PCDHA2: variants seen among roughly 807,000 people sequenced by gnomAD.
PCDHA2 encodes protocadherin alpha-2.
Under a neutral mutation model 66.0 loss-of-function variants are expected in PCDHA2, and 58 were observed. The observed-to-expected ratio is 0.88, with a 90% CI of 0.71 to 1.09. The LOEUF is 1.09. PCDHA2 is among the 50% of genes least tolerant of loss of function. The probability of loss-of-function intolerance (pLI) is 0.00; values close to 1 mark genes in which losing one functional copy is unlikely to be tolerated. For synonymous variants in PCDHA2, 634 were observed against 554.0 expected (o/e 1.14, Z -2.03); for missense variants, 1,267 against 1,242.3 (o/e 1.02, Z -0.30).
chr5:140,850,103 C>A lies in PCDHA2; in HGVS notation c.2388+52751C>A, dbSNP rs2150467019. On this transcript the variant is annotated intron_variant, in intron 1 of 3. Transcript: ENST00000526136. Reference sequence around the variant, plus strand: ...TGGAGCTGCTACAGTTCCAGGTGAGCGCGCGCGACGCGGGCGTGCCGCCTC... The same window carrying A: ...TGGAGCTGCTACAGTTCCAGGTGAGAGCGCGCGACGCGGGCGTGCCGCCTC... The A allele has an allele frequency of 1.7e-5, 27 of 1,595,988 alleles. 3 individuals are homozygous for A. The highest frequency in any genetic ancestry group is 2.2e-5 in the East Asian group (1 of 44,852).
rs2150329918 is a variant in PCDHA2, at chr5:140,842,127, C to G, written c.2388+44775C>G. 7.9e-5 allele frequency: 127 copies of G among 1,612,886 alleles called. 5 individuals carry two copies. The South Asian group carries it at 8.9e-4, about 11-fold the overall frequency. ...GTTATCAAACTGAATGCTTCTGATC[C>G]GGATGAAGGAGCCAATGGGGCAATT... On this transcript the variant is annotated intron_variant, in intron 1 of 3. Coordinates refer to ENST00000526136, the MANE Select transcript of PCDHA2 (RefSeq NM_018905.3).
chr5:140,887,788 G>A (rs1384145646), intron 1 of PCDHA2, among the ~76,000 whole-genome samples: 4 of 152,006 alleles, frequency 2.6e-5, no homozygotes, highest in Admixed American at 6.6e-5. Flanking sequence ...TCATTGAAGC[G>A]TTCTTTATTT....
intron 2 of PCDHA2, among the ~76,000 whole-genome samples, chr5:140,980,840 A>G (rs1248070793): frequency 1.3e-5 from 2 of 152,200 alleles, no homozygotes; most frequent in African/African-American, 4.8e-5. Context: ...GAACCTAAAT[A>G]ATACTAATCT....
chr5:140,904,328 C>T (rs1469107868), intron 1 of PCDHA2, among the ~76,000 whole-genome samples: 2 of 151,958 alleles, frequency 1.3e-5, no homozygotes, highest in South Asian at 2.1e-4. Flanking sequence ...ATAATGGTCT[C>T]CAGTTCCATC....
intron 1 of PCDHA2, chr5:140,928,860 G>A: frequency 1.2e-6 from 2 of 1,614,154 alleles, no homozygotes; most frequent in Non-Finnish European, 1.7e-6. Flanking sequence ...GTGTGCTGTT[G>A]AGCAACTCTG....
At chr5:140,865,241 T>C (rs1581737051) in intron 1 of PCDHA2, 1 of 152,220 alleles carries the variant, frequency 6.6e-6, no homozygotes, top group Non-Finnish European at 1.5e-5. Context: ...AACACGTATT[T>C]ATAGCTGTAA....
intron 1 of PCDHA2, chr5:140,805,246 A>G (rs1304831560): frequency 7.6e-7 from 1 of 1,318,510 alleles, no homozygotes; most frequent in South Asian, 2.3e-5. Context: ...CCATCTGTAC[A>G]TTAAAATACC....
chr5:140,802,823 G>C (rs1554122389), intron 1 of PCDHA2: 4 of 1,613,472 alleles, frequency 2.5e-6, no homozygotes, highest in Admixed American at 1.7e-5. Flanking sequence ...ATGCGGGCGT[G>C]CCGCCTCTGG....
At chr5:140,944,413 C>T (rs892243235) in intron 1 of PCDHA2, among the ~76,000 whole-genome samples, 3 of 152,292 alleles carry the variant, frequency 2.0e-5, no homozygotes, top group African/African-American at 7.2e-5. Context: ...TCTCGAACTC[C>T]TGATCTGAAG....
intron 1 of PCDHA2, chr5:140,858,585 T>G: frequency 7.4e-7 from 1 of 1,345,266 alleles, no homozygotes. Flanking sequence ...GTAATATAAT[T>G]TATTCCAGGA....
intron 1 of PCDHA2, chr5:140,869,103 G>T: frequency 6.2e-7 from 1 of 1,600,312 alleles, no homozygotes; most frequent in Non-Finnish European, 8.5e-7. Context: ...TTTCGTATGC[G>T]ATGTTTGGTT....
intron 1 of PCDHA2, chr5:140,884,458 C>A: frequency 6.2e-7 from 1 of 1,613,736 alleles, no homozygotes; most frequent in Non-Finnish European, 8.5e-7. Flanking sequence ...CCACCGAGGG[C>A]GCGTGCGCGC....
chr5:140,841,199 A>G, intron 1 of PCDHA2: 2 of 1,287,918 alleles, frequency 1.6e-6, no homozygotes, highest in South Asian at 3.0e-5. Flanking sequence ...TTTCTCTGAC[A>G]GCATCTGTCT....
chr5:140,925,836 C>G (rs2082758211), intron 1 of PCDHA2, among the ~76,000 whole-genome samples: 1 of 152,104 alleles, frequency 6.6e-6, no homozygotes, highest in African/African-American at 2.4e-5. Context: ...GACGGGTCGT[C>G]AAGTCTTTGA....
rs1762137729 is a variant in PCDHA2, at chr5:140,796,788, G to A, written c.1824G>A (p.Ser608=). The A allele has an allele frequency of 3.1e-6, 5 of 1,614,118 alleles. No homozygotes were observed. Among genetic ancestry groups the A allele is most frequent in the Non-Finnish European group, 4.2e-6 (5 of 1,179,972 alleles). Residue 608 remains serine (S), a synonymous_variant, in exon 1 of 4, where the codon TCG becomes TCA. Coordinates refer to ENST00000526136, the MANE Select transcript of PCDHA2 (RefSeq NM_018905.3). ...ACTCAGGCTACAACGCGTGGCTTTC[G>A]TACGAGCTTCAGCTGGGTACTGGCA... The part of the protein sequence containing the change: ...DADSGYNAWL[S]YELQLGTGSA...
chr5:140,845,146 T>C (rs1001510444), intron 1 of PCDHA2, among the ~76,000 whole-genome samples: 2 of 149,652 alleles, frequency 1.3e-5, no homozygotes, highest in African/African-American at 4.9e-5. Context: ...TTTGAACACA[T>C]TGTGTAAAAG....
intron 1 of PCDHA2, chr5:140,849,281 T>A: frequency 8.4e-7 from 1 of 1,191,174 alleles, no homozygotes; most frequent in Non-Finnish European, 1.2e-6. Flanking sequence ...CGCTGGTGAT[T>A]CACCCCAATG....
At chr5:140,941,508 G>A (rs1296025812) in intron 1 of PCDHA2, among the ~76,000 whole-genome samples, 1 of 151,286 alleles carries the variant, frequency 6.6e-6, no homozygotes, top group African/African-American at 2.4e-5. Flanking sequence ...GTAGAGACGA[G>A]GTTTCACCAT....
chr5:141,006,441 C>T (rs2098274470), intron 3 of PCDHA2, among the ~76,000 whole-genome samples: 1 of 152,110 alleles, frequency 6.6e-6, no homozygotes, highest in Non-Finnish European at 1.5e-5. Flanking sequence ...TCTCAATCTC[C>T]TGACCTCGAG....
Sources: gnomAD v4.1 joint callset for allele counts (sites outside exome capture counted in the v4.1 genomes callset) on GRCh38, gnomAD v4.1.1 for gene constraint, MANE v1.5 for transcripts, NCBI Gene and HGNC (gene_info 2026-07-23, HGNC 2026-07-21) for gene names.